Variants in SGK3 observed in about 807,000 individuals in gnomAD.
SGK3 encodes serine/threonine-protein kinase Sgk3.
In SGK3, 47 loss-of-function variants were observed where a neutral mutation model predicts 68.5. The ratio of observed to expected loss-of-function variants is 0.69; its 90% confidence interval spans 0.54 to 0.87. The LOEUF (loss-of-function observed/expected upper bound fraction) is 0.87. Ranked by LOEUF, SGK3 falls within the 40% of genes least tolerant of loss-of-function variation. SGK3 has a pLI of 0.00. For missense variants in SGK3, 479 were observed against 575.5 expected (o/e 0.83, Z 1.72); for synonymous variants, 181 against 189.1 (o/e 0.96, Z 0.35).
At chr8:66,769,466 C>T (rs1377492177) in intron 1 of SGK3, among the ~76,000 whole-genome samples, 1 of 152,214 alleles carries the variant, frequency 6.6e-6, no homozygotes, top group African/African-American at 2.4e-5. Flanking sequence ...TCAAATGATC[C>T]ACTCGCCTCA....
intron 10 of SGK3, among the ~76,000 whole-genome samples, chr8:66,836,624 C>A (rs746734534): frequency 1.3e-5 from 2 of 149,070 alleles, no homozygotes; most frequent in Non-Finnish European, 3.0e-5. Flanking sequence ...CAGAACGAGA[C>A]CCCATCTCTT....
intron 1 of SGK3, among the ~76,000 whole-genome samples, chr8:66,758,038 C>A (rs1265914447): frequency 8.1e-6 from 1 of 123,652 alleles, no homozygotes; most frequent in Non-Finnish European, 1.6e-5. Flanking sequence ...ACACACACAC[C>A]CTTTACATGT....
chr8:66,783,010 G>A (rs1807054115), intron 1 of SGK3, among the ~76,000 whole-genome samples: 1 of 152,194 alleles, frequency 6.6e-6, no homozygotes, highest in Non-Finnish European at 1.5e-5. Flanking sequence ...TGCAACTTCT[G>A]GATTGTATAG....
intron 5 of SGK3, among the ~76,000 whole-genome samples, chr8:66,821,130 T>TC: frequency 6.6e-6 from 1 of 152,232 alleles, no homozygotes; most frequent in South Asian, 2.1e-4. Context: ...ATTTAATTAT[T>TC]CCCCACAGTC....
At chr8:66,785,716 G>C (rs954732929) in intron 1 of SGK3, among the ~76,000 whole-genome samples, 2 of 152,164 alleles carry the variant, frequency 1.3e-5, no homozygotes, top group African/African-American at 4.8e-5. Flanking sequence ...AGATTTGGCT[G>C]GCCTTGAAAA....
chr8:66,835,246 C>G (rs941412995), intron 8 of SGK3, among the ~76,000 whole-genome samples: 4 of 152,176 alleles, frequency 2.6e-5, no homozygotes, highest in East Asian at 1.9e-4. Context: ...GCAAGATACT[C>G]TAGATTTCTT....
intron 1 of SGK3, among the ~76,000 whole-genome samples, chr8:66,723,131 A>ATATATATATTTT (rs1554591219): frequency 1.0e-4 from 3 of 29,496 alleles, no homozygotes; most frequent in Admixed American, 6.9e-4. Flanking sequence ...ATATATATAT[A>ATATATATATTTT]TTTTTTTTTT....
intron 1 of SGK3, among the ~76,000 whole-genome samples, chr8:66,790,487 T>C (rs1807400706): frequency 6.6e-6 from 1 of 152,192 alleles, no homozygotes; most frequent in Non-Finnish European, 1.5e-5. Context: ...AGGATTCAAG[T>C]CATTGTCCTT....
At chr8:66,828,969 T>G (rs76668089) in intron 7 of SGK3, among the ~76,000 whole-genome samples, 135 of 140,656 alleles carry the variant, frequency 9.6e-4, no homozygotes, top group East Asian at 8.3e-3. Context: ...GGGTGGGGGG[T>G]GTGTGTGTGT....
chr8:66,847,606 T>C (rs993510403), intron 15 of SGK3, among the ~76,000 whole-genome samples: 2 of 152,212 alleles, frequency 1.3e-5, no homozygotes, highest in African/African-American at 4.8e-5. Context: ...TTGATTTTCA[T>C]TTATTACAAA....
intron 3 of SGK3, among the ~76,000 whole-genome samples, chr8:66,800,758 A>G (rs1408847203): frequency 6.6e-6 from 1 of 152,198 alleles, no homozygotes; most frequent in Non-Finnish European, 1.5e-5. Flanking sequence ...TAATACTACA[A>G]TTTAAAAATA....
chr8:66,735,219 G>A (rs1381455282), intron 1 of SGK3, among the ~76,000 whole-genome samples: 3 of 152,188 alleles, frequency 2.0e-5, no homozygotes, highest in Admixed American at 1.3e-4. Flanking sequence ...GGCCAATAGT[G>A]TAGACTGTTG....
intron 1 of SGK3, among the ~76,000 whole-genome samples, chr8:66,742,642 T>G (rs759359847): frequency 2.0e-5 from 3 of 152,206 alleles, no homozygotes; most frequent in Admixed American, 6.5e-5. Flanking sequence ...ACTGGAATTA[T>G]GGGCATGAGC....
chr8:66,779,213 GT>G (rs975368051), intron 1 of SGK3, among the ~76,000 whole-genome samples: 1 of 152,098 alleles, frequency 6.6e-6, no homozygotes, highest in Non-Finnish European at 1.5e-5. Flanking sequence ...GTTTTACTAA[GT>G]TTGATATCAG....
At chr8:66,777,692 T>C (rs1806766664) in intron 1 of SGK3, among the ~76,000 whole-genome samples, 1 of 152,206 alleles carries the variant, frequency 6.6e-6, no homozygotes, top group Non-Finnish European at 1.5e-5. Flanking sequence ...CCTTTTCAAG[T>C]GACTTCACAT....
chr8:66,750,557 A>T (rs1170347867), intron 1 of SGK3, among the ~76,000 whole-genome samples: 1 of 149,758 alleles, frequency 6.7e-6, no homozygotes, highest in Non-Finnish European at 1.5e-5. Context: ...GCATGGTGGC[A>T]CGTGCCTGTA....
intron 1 of SGK3, among the ~76,000 whole-genome samples, chr8:66,746,165 A>G (rs1206888061): frequency 6.6e-6 from 1 of 152,148 alleles, no homozygotes; most frequent in Non-Finnish European, 1.5e-5. Context: ...CCGATTCTGC[A>G]GATTAGGTTA....
rs776036376 is a variant in SGK3 at position 66,804,413 on chromosome 8, T to C, written c.219T>C (p.Pro73=). ...TTCCTGCTATGGCCCTGAAGATTCC[T>C]GCCAAGAGAATATTTGGTGATAATT... is the stretch of plus-strand genomic sequence containing the variant. The part of the protein sequence containing the change: ...KQFPAMALKI[P]AKRIFGDNFD... Residue 73 remains proline (P), a synonymous_variant, in exon 4 of 17, where the codon CCT becomes CCC. Coordinates refer to ENST00000521198, the MANE Select transcript of SGK3 (RefSeq NM_001033578.3). 1 of 1,612,634 alleles carries C rather than the reference T, an allele frequency of 6.2e-7. No homozygotes were observed. Among genetic ancestry groups the C allele is most frequent in the Non-Finnish European group, 8.5e-7 (1 of 1,179,516 alleles).
chr8:66,817,640 C>G (rs1050720720), intron 5 of SGK3, among the ~76,000 whole-genome samples: 1 of 151,926 alleles, frequency 6.6e-6, no homozygotes, highest in African/African-American at 2.4e-5. Flanking sequence ...GTGTGAGCCA[C>G]CACGCCCAGC....
Sources: gnomAD v4.1 joint callset for allele counts (sites outside exome capture counted in the v4.1 genomes callset) on GRCh38, gnomAD v4.1.1 for gene constraint, MANE v1.5 for transcripts, NCBI Gene and HGNC (gene_info 2026-07-23, HGNC 2026-07-21) for gene names.